Variants in PKP4 observed in about 807,000 individuals in gnomAD.
PKP4 encodes plakophilin 4.
Under a neutral mutation model 145.1 loss-of-function variants are expected in PKP4, and 90 were observed. The observed-to-expected ratio is 0.62, with a 90% confidence interval of 0.52 to 0.74. The LOEUF (loss-of-function observed/expected upper bound fraction) is 0.74, where lower values mean the gene tolerates loss of function less well. Among genes scored for constraint, PKP4 ranks in the 30% least tolerant of loss-of-function variants. The pLI is 0.00. For missense variants in PKP4, 1,340 were observed against 1,482.7 expected, an observed-to-expected ratio of 0.90 and a Z score of 1.58; for synonymous variants, 563 against 577.2, an observed-to-expected ratio of 0.98 and a Z score of 0.35.
chr2:158,463,179 T>C (rs1690040488), intron 1 of PKP4, among the ~76,000 whole-genome samples: 1 of 152,180 alleles, frequency 6.6e-6, no homozygotes, highest in South Asian at 2.1e-4. Context: ...TGTAGCTTCT[T>C]GCGGTAGGCA....
chr2:158,622,613 TACA>T (rs2052363885), intron 6 of PKP4, among the ~76,000 whole-genome samples: 3 of 152,176 alleles, frequency 2.0e-5, no homozygotes, highest in Admixed American at 1.3e-4. Context: ...AGAAACATAA[TACA>T]ACTTTGGCAC....
chr2:158,674,755 A>G (rs931028609), intron 19 of PKP4, among the ~76,000 whole-genome samples: 2 of 152,182 alleles, frequency 1.3e-5, no homozygotes, highest in African/African-American at 4.8e-5. Context: ...TCTTTCCAAA[A>G]TGAGAAAGGA....
At chr2:158,670,069 T>C (rs1201438502) in intron 17 of PKP4, among the ~76,000 whole-genome samples, 154 bp downstream of exon 17, 4 of 152,234 alleles carry the variant, frequency 2.6e-5, no homozygotes, top group Non-Finnish European at 5.9e-5. Context: ...ACTTACAACC[T>C]GCTATGCTGG....
intron 12 of PKP4, chr2:158,658,533 T>C (rs996438930): frequency 9.3e-6 from 4 of 428,462 alleles, no homozygotes; most frequent in African/African-American, 6.2e-5. Context: ...TTCTGTGACT[T>C]ACTCAGAAAG....
intron 2 of PKP4, among the ~76,000 whole-genome samples, chr2:158,552,717 A>AT (rs2045740700): frequency 6.6e-6 from 1 of 152,140 alleles, no homozygotes; most frequent in East Asian, 1.9e-4. Context: ...TGAGACATAA[A>AT]TTTTTTTGGT....
chr2:158,624,243 C>T (rs1335717928), intron 6 of PKP4, among the ~76,000 whole-genome samples: 1 of 152,126 alleles, frequency 6.6e-6, no homozygotes, highest in African/African-American at 2.4e-5. Flanking sequence ...TTGCCTAGAG[C>T]ACCTGTGTAG....
chr2:158,510,747 A>G (rs370131151), intron 1 of PKP4, among the ~76,000 whole-genome samples: 72 of 152,314 alleles, frequency 4.7e-4, no homozygotes, highest in African/African-American at 1.3e-3. Flanking sequence ...CTGCCCAGGC[A>G]GCTGATGGAA....
At chr2:158,663,948 G>A (rs1043789135) in intron 15 of PKP4, among the ~76,000 whole-genome samples, 24 of 152,188 alleles carry the variant, frequency 1.6e-4, no homozygotes, top group Non-Finnish European at 2.6e-4. Flanking sequence ...CAGAGAAGAC[G>A]TGTGGGCCAG....
At chr2:158,499,475 A>T (rs1422622356) in intron 1 of PKP4, among the ~76,000 whole-genome samples, 1 of 152,222 alleles carries the variant, frequency 6.6e-6, no homozygotes, top group Non-Finnish European at 1.5e-5. Context: ...GAGAAACTGT[A>T]ACACCACTGG....
chr2:158,536,890 A>G (rs2044096563), intron 2 of PKP4, among the ~76,000 whole-genome samples: 1 of 152,160 alleles, frequency 6.6e-6, no homozygotes, highest in African/African-American at 2.4e-5. Context: ...ACTTTATACT[A>G]CTGCCATGAC....
At chr2:158,653,868 C>G (rs1259319887) in intron 11 of PKP4, among the ~76,000 whole-genome samples, 1 of 152,206 alleles carries the variant, frequency 6.6e-6, no homozygotes, top group African/African-American at 2.4e-5. Context: ...GGTGTATTCT[C>G]TATTCATTAC....
At chr2:158,572,295 C>A (rs1024246794) in intron 2 of PKP4, among the ~76,000 whole-genome samples, 1 of 152,106 alleles carries the variant, frequency 6.6e-6, no homozygotes, top group African/African-American at 2.4e-5. Flanking sequence ...AATATGAAAG[C>A]GCTATACTGT....
At chr2:158,506,899 A>T (rs2041033496) in intron 1 of PKP4, among the ~76,000 whole-genome samples, 2 of 152,192 alleles carry the variant, frequency 1.3e-5, no homozygotes, top group African/African-American at 2.4e-5. Context: ...GTCTAAAAGG[A>T]TCATATTTAG....
intron 17 of PKP4, among the ~76,000 whole-genome samples, chr2:158,672,306 A>C (rs1413694336): frequency 6.6e-6 from 1 of 152,242 alleles, no homozygotes; most frequent in Admixed American, 6.5e-5. Flanking sequence ...GCTGCAAAGG[A>C]GAGCAAAGAA....
intron 3 of PKP4, among the ~76,000 whole-genome samples, chr2:158,598,677 G>A (rs536165904): frequency 6.6e-6 from 1 of 152,234 alleles, no homozygotes; most frequent in African/African-American, 2.4e-5. Context: ...GCTGAGGGAG[G>A]AGAATGGTGT....
At chr2:158,529,388 C>T (rs2043307034) in intron 1 of PKP4, among the ~76,000 whole-genome samples, 2 of 152,300 alleles carry the variant, frequency 1.3e-5, no homozygotes, top group East Asian at 3.9e-4. Context: ...AACTACCACT[C>T]TCATGTCTCC....
chr2:158,546,410 A>G (rs1423383174), intron 2 of PKP4, among the ~76,000 whole-genome samples: 1 of 152,210 alleles, frequency 6.6e-6, no homozygotes, highest in Admixed American at 6.5e-5. Flanking sequence ...GATGGCACAA[A>G]TAGTAAGCAC....
At chr2:158,550,236 A>T (rs148070785) in intron 2 of PKP4, among the ~76,000 whole-genome samples, 1 of 132,342 alleles carries the variant, frequency 7.6e-6, no homozygotes, top group Non-Finnish European at 1.8e-5. Context: ...ATGAATCTAT[A>T]GCAGTATTTT....
At chr2:158,542,058 G>T (rs1485972653) in intron 2 of PKP4, among the ~76,000 whole-genome samples, 1 of 152,058 alleles carries the variant, frequency 6.6e-6, no homozygotes, top group African/African-American at 2.4e-5. Flanking sequence ...AAATACTTCT[G>T]TTAATTATTT....
Sources: gnomAD v4.1 joint callset for allele counts (sites outside exome capture counted in the v4.1 genomes callset) on GRCh38, gnomAD v4.1.1 for gene constraint, MANE v1.5 for transcripts, NCBI Gene and HGNC (gene_info 2026-07-23, HGNC 2026-07-21) for gene names.